The following ADK variants were observed in gnomAD, a reference collection of about 807,000 sequenced individuals.
ADK encodes the protein N6,N6-dimethyladenosine kinase.
A neutral mutation model predicts 44.7 loss-of-function variants in ADK; 24 were observed. The ratio of observed to expected loss-of-function variants is 0.54; its 90% CI spans 0.39 to 0.76. ADK has a LOEUF of 0.76. Among genes scored for constraint, ADK ranks in the 30% least tolerant of loss-of-function variants. The pLI is 0.00. For missense variants in ADK, 321 were observed against 425.1 expected (o/e 0.76, Z 2.15); for synonymous variants, 128 against 142.6 (o/e 0.90, Z 0.73).
chr10:74,359,358 C>T (rs959811706), intron 4 of ADK, among the ~76,000 whole-genome samples: 3 of 151,854 alleles, frequency 2.0e-5, no homozygotes, highest in Non-Finnish European at 4.4e-5. Flanking sequence ...GTGAAGAATG[C>T]CTTTGGTATT....
intron 3 of ADK, among the ~76,000 whole-genome samples, chr10:74,290,675 TTA>T (rs760916296): frequency 3.4e-4 from 51 of 152,126 alleles, no homozygotes; most frequent in Non-Finnish European, 6.2e-4. Context: ...GAAAAAAAGT[TTA>T]TGTTGTTTTA....
rs535757879 is a variant in ADK at position 74,192,208 on chromosome 10, AT to A, written c.66-8547del. 5.7e-4 allele frequency among the ~76,000 whole-genome samples: 84 copies of A among 147,916 alleles called. 2 individuals carry two copies. In the Middle Eastern group the frequency reaches 0.01, roughly 18 times the overall value. The stretch of plus-strand genomic sequence containing the variant: ...TTTATTATGTTTCCAGATTTTTACC[AT>A]TTTTTTTTCTTTTTCTTTCTTTTAT... On this transcript the variant is annotated intron_variant, in intron 1 of 10. Coordinates refer to ENST00000539909, the MANE Select transcript of ADK (RefSeq NM_006721.4).
At chr10:74,310,808 A>C (rs2131791476) in intron 3 of ADK, among the ~76,000 whole-genome samples, 1 of 152,080 alleles carries the variant, frequency 6.6e-6, no homozygotes, top group East Asian at 1.9e-4. Context: ...TTTTCTGAAT[A>C]CGTCATGTTT....
intron 6 of ADK, among the ~76,000 whole-genome samples, chr10:74,519,247 A>G (rs1420688557): frequency 1.3e-5 from 2 of 151,990 alleles, no homozygotes; most frequent in East Asian, 1.9e-4. Context: ...GTCAAAATAA[A>G]ATGTAGTCCT....
intron 9 of ADK, among the ~76,000 whole-genome samples, chr10:74,608,152 AG>A (rs1188291627): frequency 6.6e-6 from 1 of 151,840 alleles, no homozygotes; most frequent in Non-Finnish European, 1.5e-5. Context: ...CAAGGTTCTT[AG>A]CTTCCTTGCA....
At chr10:74,577,907 C>G (rs1851251139) in intron 7 of ADK, among the ~76,000 whole-genome samples, 1 of 152,112 alleles carries the variant, frequency 6.6e-6, no homozygotes, top group Admixed American at 6.5e-5. Context: ...TAAAACTGTA[C>G]CCTGTATATT....
intron 1 of ADK, among the ~76,000 whole-genome samples, chr10:74,177,278 C>T (rs543315595): frequency 2.3e-4 from 35 of 152,288 alleles, no homozygotes; most frequent in Admixed American, 6.5e-4. Context: ...GACAGAACTT[C>T]ATTGTTGGCC....
intron 6 of ADK, among the ~76,000 whole-genome samples, chr10:74,451,784 T>C (rs1415362409): frequency 6.6e-6 from 1 of 152,014 alleles, no homozygotes; most frequent in African/African-American, 2.4e-5. Flanking sequence ...AACAAAATCA[T>C]CCTAAAATGA....
intron 1 of ADK, among the ~76,000 whole-genome samples, chr10:74,156,133 G>C (rs898635243): frequency 6.6e-6 from 1 of 152,118 alleles, no homozygotes; most frequent in African/African-American, 2.4e-5. Flanking sequence ...ATGGTTCTGG[G>C]TATCCAGGGA....
chr10:74,683,928 G>T (rs574489465), intron 10 of ADK, among the ~76,000 whole-genome samples: 1 of 152,134 alleles, frequency 6.6e-6, no homozygotes, highest in South Asian at 2.1e-4. Flanking sequence ...GAGTTGAGTC[G>T]ATTTGTTACC....
chr10:74,634,439 C>A (rs12569856), intron 9 of ADK, among the ~76,000 whole-genome samples: 3 of 151,830 alleles, frequency 2.0e-5, no homozygotes, highest in Non-Finnish European at 4.4e-5. Flanking sequence ...AGGATGGTCT[C>A]GATCTCCTGA....
At chr10:74,205,559 C>T (rs577343081) in intron 2 of ADK, among the ~76,000 whole-genome samples, 3 of 151,224 alleles carry the variant, frequency 2.0e-5, no homozygotes, top group Non-Finnish European at 2.9e-5. Flanking sequence ...GCCTGTAATC[C>T]CAGATACTCG....
chr10:74,678,257 A>G lies in ADK; in HGVS notation c.964+7988A>G, dbSNP rs1855478659. The stretch of plus-strand genomic sequence containing the variant: ...GCACAGTGATAGGATGCTTTATTAC[A>G]TGCCACACTAGTGTTATACATCCAG... On this transcript the variant is annotated intron_variant, in intron 10 of 10. Coordinates refer to ENST00000539909, the MANE Select transcript of ADK (RefSeq NM_006721.4). 2.0e-5 allele frequency among the ~76,000 whole-genome samples: 3 copies of G among 152,274 alleles called. No individual in the cohort carries two copies. In the South Asian group the frequency reaches 6.2e-4, roughly 32 times the overall value.
intron 6 of ADK, among the ~76,000 whole-genome samples, chr10:74,428,856 G>T (rs1489323831): frequency 6.6e-6 from 1 of 152,222 alleles, no homozygotes. Context: ...TCCAGTGAGA[G>T]TCAAATGAAC....
chr10:74,233,399 G>C (rs1844850686), intron 3 of ADK, among the ~76,000 whole-genome samples: 3 of 152,130 alleles, frequency 2.0e-5, no homozygotes, highest in African/African-American at 7.2e-5. Flanking sequence ...CTTGGTCCTG[G>C]TAGTTGTGGA....
rs141820450 is a variant in ADK at position 74,627,499 on chromosome 10, G to A, written c.877+27006G>A. On this transcript the variant is annotated intron_variant, in intron 9 of 10. Coordinates refer to ENST00000539909, the MANE Select transcript of ADK (RefSeq NM_006721.4). The stretch of plus-strand genomic sequence containing the variant: ...GTCTAAAGAAAAAAAGCTTTCTTTC[G>A]AAATGGCCTCAGGTTTATCGATTTT... Among the ~76,000 whole-genome samples the A allele has an allele frequency of 4.7e-3, 706 of 151,666 alleles. 5 individuals carry two copies. Among genetic ancestry groups the A allele is most frequent in the African/African-American group, 0.016 (657 of 41,380 alleles).
chr10:74,352,873 C>T (rs1842012157), intron 4 of ADK, among the ~76,000 whole-genome samples: 1 of 152,212 alleles, frequency 6.6e-6, no homozygotes, highest in Non-Finnish European at 1.5e-5. Context: ...GATACCATCT[C>T]ATGCCAGTTA....
In ADK at chr10:74,239,547, AC is replaced by A. The variant is rs370415014; in HGVS notation, c.194+14957del. ...GCAACATAGTGAGAGCCCCCTCTCT[AC>A]AAAAAATTTGAAAATTAGCCAGGGC... On this transcript the variant is annotated intron_variant, in intron 3 of 10. Coordinates refer to ENST00000539909, the MANE Select transcript of ADK (RefSeq NM_006721.4). Among the ~76,000 whole-genome samples, 62 of 152,018 alleles carry A rather than the reference AC, an allele frequency of 4.1e-4. 1 individual carries two copies. The Middle Eastern group carries it at 0.01, about 25-fold the overall frequency.
chr10:74,166,412 C>T (rs1244765194), intron 1 of ADK, among the ~76,000 whole-genome samples: 4 of 151,940 alleles, frequency 2.6e-5, no homozygotes, highest in African/African-American at 9.7e-5. Flanking sequence ...CATTCACCTC[C>T]GGGCTCAAGC....
Sources: allele counts gnomAD v4.1 joint callset (sites outside exome capture counted in the v4.1 genomes callset), GRCh38; gene constraint gnomAD v4.1.1; transcripts MANE v1.5; gene names NCBI Gene and HGNC (gene_info 2026-07-23, HGNC 2026-07-21).